C1D: variants seen among roughly 807,000 people sequenced by gnomAD.
The protein encoded by C1D is nuclear nucleic acid-binding protein C1D.
In C1D, 10 loss-of-function variants were observed where a neutral mutation model predicts 17.5. That is an observed-to-expected ratio of 0.57 (90% CI 0.35 to 0.97). C1D has a LOEUF of 0.97. Among genes scored for constraint, C1D ranks in the 50% least tolerant of loss-of-function variants. C1D has a pLI of 0.01. For missense variants in C1D, 136 were observed against 160.1 expected (o/e 0.85, Z 0.81); for synonymous variants, 49 against 54.0 (o/e 0.91, Z 0.40).
Position 68,053,852 on chromosome 2 carries a change from C to CT in C1D, c.-9-6534dup, listed in dbSNP as rs368012868. 3.5e-3 allele frequency among the ~76,000 whole-genome samples: 540 copies of CT among 152,302 alleles called. 2 individuals carry two copies. Among genetic ancestry groups the CT allele is most frequent in the African/African-American group, 0.013 (526 of 41,564 alleles). On this transcript the variant is annotated intron_variant, in intron 1 of 4. Transcript: ENST00000410067. The stretch of plus-strand genomic sequence containing the variant: ...AGCCTGAAATGCCCTTCCAACTCCA[C>CT]TTTTTTCAAACGCTGCTTATCTTTG...
intron 1 of C1D, among the ~76,000 whole-genome samples, chr2:68,059,374 C>T (rs1671551544): frequency 6.6e-6 from 1 of 152,188 alleles, no homozygotes; most frequent in African/African-American, 2.4e-5. Context: ...TATCAACCTC[C>T]TCTTCATAAC....
intron 1 of C1D, among the ~76,000 whole-genome samples, chr2:68,055,047 T>C (rs2103811015): frequency 6.6e-6 from 1 of 151,168 alleles, no homozygotes; most frequent in African/African-American, 2.4e-5. Context: ...GCTCTGACAA[T>C]ACTTTCCCAC....
At chr2:68,054,950 A>G (rs1293690937) in intron 1 of C1D, among the ~76,000 whole-genome samples, 1 of 150,960 alleles carries the variant, frequency 6.6e-6, no homozygotes, top group Admixed American at 6.6e-5. Context: ...TGGGCAACAG[A>G]GCAAGGCCCA....
At chr2:68,051,358 T>C (rs1170890911) in intron 1 of C1D, among the ~76,000 whole-genome samples, 1 of 151,928 alleles carries the variant, frequency 6.6e-6, no homozygotes, top group Non-Finnish European at 1.5e-5. Flanking sequence ...ATATCTATAA[T>C]TAAAATACAT....
chr2:68,062,630 A>G lies in C1D; in HGVS notation c.-10+328T>C, dbSNP rs763310463. On this transcript the variant is annotated intron_variant, in intron 1 of 4. Transcript: ENST00000410067. Reference sequence around the variant, plus strand: ...ATTGTGAAGACTTCAATGTTTTTTGATTTTTGTTTTTAATTTCTTCGTCTT... The same window carrying G: ...ATTGTGAAGACTTCAATGTTTTTTGGTTTTTGTTTTTAATTTCTTCGTCTT... 9.1e-4 allele frequency among the ~76,000 whole-genome samples: 139 copies of G among 152,130 alleles called. 2 individuals carry two copies. Among genetic ancestry groups the G allele is most frequent in the Non-Finnish European group, 2.4e-4 (16 of 68,020 alleles).
At chr2:68,046,796 A>C (rs936010331) in intron 2 of C1D, among the ~76,000 whole-genome samples, 10 of 152,304 alleles carry the variant, frequency 6.6e-5, no homozygotes, top group African/African-American at 2.4e-4. Flanking sequence ...AGGCAATACG[A>C]AAGACAGAAG....
Position 68,041,723 on chromosome 2 carries a change from T to G in C1D, c.*1166A>C, listed in dbSNP as rs994898823. The G allele has an allele frequency of 6.6e-6, 1 of 152,070 alleles. No individual in the cohort carries two copies. Among genetic ancestry groups the G allele is most frequent in the Admixed American group, 6.5e-5 (1 of 15,274 alleles). 9.4% of individuals were successfully genotyped at this position (152,070 alleles called of 1,614,324 possible). On this transcript the variant is annotated 3_prime_UTR_variant, in exon 5 of 5. Coordinates refer to ENST00000410067, the MANE Select transcript of C1D (RefSeq NM_173177.3). ...AAATCCATTTATTCAAGGTTACTTA[T>G]GGAGAATTAATCACACAGAAAATTT... is the stretch of plus-strand genomic sequence containing the variant.
chr2:68,045,703 C>A (rs1428585676), intron 4 of C1D, among the ~76,000 whole-genome samples: 1 of 151,514 alleles, frequency 6.6e-6, no homozygotes, highest in East Asian at 1.9e-4. Context: ...AAAAGTAGTT[C>A]TAGAGATAAA....
intron 1 of C1D, among the ~76,000 whole-genome samples, chr2:68,052,346 T>C (rs191904377): frequency 1.9e-3 from 288 of 152,308 alleles, no homozygotes; most frequent in African/African-American, 6.7e-3. Flanking sequence ...TCATTCTTCA[T>C]TGTTTACATT....
intron 1 of C1D, among the ~76,000 whole-genome samples, chr2:68,057,663 A>T (rs1671478412): frequency 6.6e-6 from 1 of 151,796 alleles, no homozygotes; most frequent in Non-Finnish European, 1.5e-5. Context: ...ACATATTATA[A>T]TAATACTTAA....
At position 68,061,014 on chromosome 2, in the gene C1D, A is replaced by T. The variant is rs1233092124; in HGVS notation, c.-10+1944T>A. 2.6e-5 allele frequency among the ~76,000 whole-genome samples: 4 copies of T among 152,202 alleles called. No homozygotes were observed. The East Asian group carries it at 7.7e-4, about 29-fold the overall frequency. On this transcript the variant is annotated intron_variant, in intron 1 of 4. Coordinates refer to ENST00000410067, the MANE Select transcript of C1D (RefSeq NM_173177.3). ...CAGATACTAGAAAGTCACCACATGG[A>T]TCCAAACAAACATACGATAATGTAC...
intron 1 of C1D, among the ~76,000 whole-genome samples, chr2:68,061,868 T>C (rs1345121547): frequency 6.6e-6 from 1 of 152,250 alleles, no homozygotes; most frequent in Non-Finnish European, 1.5e-5. Flanking sequence ...CACAGCTAAC[T>C]GAAGGCAGCT....
At chr2:68,056,204 C>T (rs2103812775) in intron 1 of C1D, among the ~76,000 whole-genome samples, 1 of 152,294 alleles carries the variant, frequency 6.6e-6, no homozygotes, top group East Asian at 1.9e-4. Flanking sequence ...CTCAACGCAA[C>T]CTCTGCCTCC....
intron 1 of C1D, among the ~76,000 whole-genome samples, chr2:68,048,105 T>G (rs1671183828): frequency 6.6e-6 from 1 of 152,084 alleles, no homozygotes; most frequent in Non-Finnish European, 1.5e-5. Context: ...ATAAAGCCCA[T>G]AAGCAGAAAA....
intron 1 of C1D, among the ~76,000 whole-genome samples, chr2:68,056,989 C>A (rs1317172431): frequency 1.3e-5 from 2 of 152,164 alleles, no homozygotes; most frequent in Non-Finnish European, 2.9e-5. Context: ...TAAAACAGAA[C>A]AACCCACACA....
At chr2:68,058,662 G>C (rs945046534) in intron 1 of C1D, among the ~76,000 whole-genome samples, 5 of 152,106 alleles carry the variant, frequency 3.3e-5, no homozygotes, top group Non-Finnish European at 5.9e-5. Context: ...GATGCTCTCT[G>C]GACAAAATCT....
rs936086724 is a variant in C1D at position 68,046,369 on chromosome 2, T to C, written c.180A>G (p.Ala60=). 6.2e-7 allele frequency: 1 copy of C among 1,612,326 alleles called. No homozygotes were observed. The stretch of plus-strand genomic sequence containing the variant: ...CCCAAAACATTGAATTTAATGTGTA[T>C]GCAGAAACCAAATCCACTTTTGCTT... ...LEQAKVDLVS[A]YTLNSMFWVY... The change falls in exon 3 of 5, where the codon GCA becomes GCG. Residue 60 remains alanine (A), a synonymous_variant. Transcript: ENST00000410067.
intron 1 of C1D, among the ~76,000 whole-genome samples, chr2:68,059,320 T>G (rs1299911180): frequency 6.6e-6 from 1 of 152,158 alleles, no homozygotes; most frequent in Non-Finnish European, 1.5e-5. Flanking sequence ...ACACTGGAAG[T>G]GACATTTCAA....
At position 68,046,063 on chromosome 2, in the gene C1D, T is replaced by A. The variant is rs13401616; in HGVS notation, c.206-20A>T. The A allele has an allele frequency of 6.7e-7, 1 of 1,495,602 alleles. No individual in the cohort carries two copies. Among genetic ancestry groups the A allele is most frequent in the South Asian group, 1.2e-5 (1 of 82,222 alleles). The allele number at this position is 1,495,602 out of a possible 1,614,324, so 92.6% of individuals were successfully genotyped here. On this transcript the variant is annotated intron_variant, in intron 3 of 4. Coordinates refer to ENST00000410067, the MANE Select transcript of C1D (RefSeq NM_173177.3). Reference sequence around the variant, plus strand: ...AATAAACTACAAGAGAAAAATTTCATGGAATAAAATGGTGAATGTATTAAT... The same window carrying A: ...AATAAACTACAAGAGAAAAATTTCAAGGAATAAAATGGTGAATGTATTAAT...
Sources: gnomAD v4.1 joint callset for allele counts (sites outside exome capture counted in the v4.1 genomes callset) on GRCh38, gnomAD v4.1.1 for gene constraint, MANE v1.5 for transcripts, NCBI Gene and HGNC (gene_info 2026-07-23, HGNC 2026-07-21) for gene names.